VPS13B: variants seen among roughly 807,000 people sequenced by gnomAD.
VPS13B encodes the protein intermembrane lipid transfer protein VPS13B.
In VPS13B, 285 loss-of-function variants were observed where a neutral mutation model predicts 426.4. The observed-to-expected ratio is 0.67, with a 90% CI of 0.61 to 0.74. VPS13B has a LOEUF of 0.74. Among genes scored for constraint, VPS13B ranks in the 30% least tolerant of loss-of-function variants. The pLI, the probability that VPS13B is intolerant of heterozygous loss-of-function variation, is 0.00. For missense variants in VPS13B, 4,537 were observed against 4,782.6 expected (o/e 0.95, Z 1.51); for synonymous variants, 1,676 against 1,676.4 (o/e 1.00, Z 0.01).
At chr8:99,015,623 G>T (rs1417409795) in intron 2 of VPS13B, among the ~76,000 whole-genome samples, 2 of 151,876 alleles carry the variant, frequency 1.3e-5, no homozygotes, top group Non-Finnish European at 2.9e-5. Context: ...AGTACTCCAG[G>T]CCGGGCACGG....
At chr8:99,826,205 T>A (rs373911798) in intron 51 of VPS13B, among the ~76,000 whole-genome samples, 18 of 152,374 alleles carry the variant, frequency 1.2e-4, no homozygotes, top group African/African-American at 4.3e-4. Flanking sequence ...TCCATGAGCA[T>A]GGAATGTTTT....
chr8:99,325,460 A>T (rs756601597), intron 19 of VPS13B, among the ~76,000 whole-genome samples: 32 of 152,314 alleles, frequency 2.1e-4, no homozygotes, highest in Admixed American at 3.9e-4. Flanking sequence ...TAACTTAGTG[A>T]AACAAACTGT....
chr8:99,419,853 C>A (rs1446033074), intron 21 of VPS13B, among the ~76,000 whole-genome samples: 1 of 146,118 alleles, frequency 6.8e-6, no homozygotes, highest in Non-Finnish European at 1.5e-5. Context: ...ATTTACTATG[C>A]AAGGCATTAT....
intron 17 of VPS13B, among the ~76,000 whole-genome samples, chr8:99,204,519 C>T (rs1270659919): frequency 6.6e-6 from 1 of 152,160 alleles, no homozygotes; most frequent in African/African-American, 2.4e-5. Context: ...GGAATCTCAT[C>T]AAACGAAAGA....
At chr8:99,261,304 C>T (rs1252474536) in intron 17 of VPS13B, among the ~76,000 whole-genome samples, 1 of 152,154 alleles carries the variant, frequency 6.6e-6, no homozygotes, top group African/African-American at 2.4e-5. Context: ...CAGCCAAACC[C>T]TAGCAACCAC....
At chr8:99,575,858 C>G (rs1351594911) in intron 32 of VPS13B, 74 bp downstream of exon 32, 5 of 1,482,988 alleles carry the variant, frequency 3.4e-6, no homozygotes. Flanking sequence ...GGGATTGCCA[C>G]AGTTTCAGCC....
intron 17 of VPS13B, chr8:99,234,561 G>A (rs1816537084): frequency 6.9e-6 from 3 of 435,078 alleles, no homozygotes; most frequent in South Asian, 5.5e-5. Context: ...CGGGGGCCGC[G>A]TGGCTGGGAG....
chr8:99,016,586 C>CTTTTTTTTTTTTTTTT (rs754060289), intron 2 of VPS13B, among the ~76,000 whole-genome samples: 1 of 60,730 alleles, frequency 1.6e-5, no homozygotes, highest in African/African-American at 6.8e-5. Flanking sequence ...TATAGGAATT[C>CTTTTTTTTTTTTTTTT]TTTTTTTTTT....
intron 34 of VPS13B, among the ~76,000 whole-genome samples, chr8:99,655,471 T>C (rs1404673197): frequency 6.6e-6 from 1 of 152,236 alleles, no homozygotes; most frequent in East Asian, 1.9e-4. Context: ...AGTGCTCTCT[T>C]GGCTGTGGTA....
intron 54 of VPS13B, among the ~76,000 whole-genome samples, chr8:99,839,779 T>A (rs533184066): frequency 2.0e-5 from 3 of 152,332 alleles, no homozygotes; most frequent in Admixed American, 6.5e-5. Context: ...TTCCATGACA[T>A]CTCACCCCAG....
intron 19 of VPS13B, among the ~76,000 whole-genome samples, chr8:99,284,814 G>T (rs1819349880): frequency 6.6e-6 from 1 of 151,942 alleles, no homozygotes; most frequent in Non-Finnish European, 1.5e-5. Context: ...TTCCACCTTG[G>T]CCTCCCAAAG....
chr8:99,414,611 C>T (rs1365329313), intron 21 of VPS13B, among the ~76,000 whole-genome samples: 1 of 151,986 alleles, frequency 6.6e-6, no homozygotes, highest in East Asian at 1.9e-4. Flanking sequence ...TAAGTCAGGC[C>T]CAGTGGTGGC....
At chr8:99,663,031 T>C (rs1830303445) in intron 35 of VPS13B, among the ~76,000 whole-genome samples, 1 of 152,068 alleles carries the variant, frequency 6.6e-6, no homozygotes, top group South Asian at 2.1e-4. Flanking sequence ...CGCTCCAGCT[T>C]GGGCAACAGA....
chr8:99,729,580 A>T (rs1289993370), intron 39 of VPS13B, among the ~76,000 whole-genome samples: 1 of 152,246 alleles, frequency 6.6e-6, no homozygotes, highest in East Asian at 1.9e-4. Flanking sequence ...TACATTGGCA[A>T]CTTCACAGAT....
intron 5 of VPS13B, among the ~76,000 whole-genome samples, chr8:99,104,474 A>G (rs1413874239): frequency 6.6e-6 from 1 of 152,128 alleles, no homozygotes; most frequent in East Asian, 1.9e-4. Flanking sequence ...GCAAGGCAAT[A>G]TATCTGATTG....
intron 17 of VPS13B, among the ~76,000 whole-genome samples, chr8:99,261,275 T>C (rs982222994): frequency 3.7e-4 from 56 of 152,282 alleles, no homozygotes; most frequent in African/African-American, 1.3e-3. Flanking sequence ...GTGTTCTACC[T>C]ATTTATCCTA....
At chr8:99,355,812 T>C (rs1485154169) in intron 19 of VPS13B, among the ~76,000 whole-genome samples, 1 of 152,204 alleles carries the variant, frequency 6.6e-6, no homozygotes, top group Non-Finnish European at 1.5e-5. Flanking sequence ...TAATATGTCA[T>C]CCAGTTCTCT....
chr8:99,162,147 G>C (rs1418669838), intron 15 of VPS13B, among the ~76,000 whole-genome samples: 1 of 152,162 alleles, frequency 6.6e-6, no homozygotes, highest in Non-Finnish European at 1.5e-5. Flanking sequence ...GGATGTGGTA[G>C]AGAGTTTTTT....
chr8:99,294,058 A>G (rs1172135076), intron 19 of VPS13B, among the ~76,000 whole-genome samples: 3 of 110,646 alleles, frequency 2.7e-5, no homozygotes, highest in African/African-American at 1.1e-4. Context: ...CCAAATGACT[A>G]TAAATCATGC....
Sources: allele counts gnomAD v4.1 joint callset (sites outside exome capture counted in the v4.1 genomes callset), GRCh38; gene constraint gnomAD v4.1.1; transcripts MANE v1.5; gene names NCBI Gene and HGNC (gene_info 2026-07-23, HGNC 2026-07-21).